The following FTCDNL1 variants were observed in gnomAD, a reference collection of about 807,000 sequenced individuals.
The protein encoded by FTCDNL1 is formiminotransferase cyclodeaminase N-terminal like, also known as formiminotransferase N-terminal subdomain-containing protein.
FTCDNL1 carries 11 observed loss-of-function variants against 5.9 expected under a neutral mutation model. The observed-to-expected ratio is 1.87, with a 90% CI of 1.18 to 3.10. FTCDNL1 has a LOEUF of 3.10. FTCDNL1 is among the 30% of genes most tolerant of loss of function. The probability of loss-of-function intolerance (pLI) is 0.00; values close to 1 mark genes in which losing one functional copy is unlikely to be tolerated. For synonymous variants in FTCDNL1, 58 were observed against 24.8 expected (o/e 2.34, Z -3.99); for missense variants, 115 against 65.5 (o/e 1.76, Z -2.61).
chr2:199,684,229 C>G, the FTCDNL1 span, among the ~76,000 whole-genome samples: 134 of 152,198 alleles, frequency 8.8e-4, no homozygotes, highest in East Asian at 0.019. Flanking sequence ...TGAGAAGCAC[C>G]CAGTTTTCAA....
At chr2:199,694,254 C>G in the FTCDNL1 span, among the ~76,000 whole-genome samples, 3 of 152,272 alleles carry the variant, frequency 2.0e-5, no homozygotes, top group Admixed American at 2.0e-4. Flanking sequence ...TCAGACCTAC[C>G]AGGTGTTTTG....
the FTCDNL1 span, among the ~76,000 whole-genome samples, chr2:199,686,170 T>A: frequency 6.6e-6 from 1 of 151,982 alleles, no homozygotes; most frequent in African/African-American, 2.4e-5. Context: ...ATCATAGTGG[T>A]AAAAACCAAT....
At chr2:199,793,170 C>T (rs1410476896) in intron 3 of FTCDNL1, among the ~76,000 whole-genome samples, 1 of 152,078 alleles carries the variant, frequency 6.6e-6, no homozygotes, top group Non-Finnish European at 1.5e-5. Context: ...TAACTGCCTG[C>T]AAGTATCTTT....
chr2:199,690,554 G>A, the FTCDNL1 span, among the ~76,000 whole-genome samples: 1 of 152,284 alleles, frequency 6.6e-6, no homozygotes, highest in South Asian at 2.1e-4. Flanking sequence ...GACCACCTCA[G>A]AGAGGCTACC....
intron 3 of FTCDNL1, among the ~76,000 whole-genome samples, chr2:199,783,765 T>C (rs780714724): frequency 1.3e-5 from 2 of 152,006 alleles, no homozygotes; most frequent in African/African-American, 2.4e-5. Context: ...TCTAGACACA[T>C]TACATTGTTC....
At chr2:199,783,941 T>A (rs1455701151) in intron 3 of FTCDNL1, among the ~76,000 whole-genome samples, 1 of 152,126 alleles carries the variant, frequency 6.6e-6, no homozygotes, top group Admixed American at 6.5e-5. Context: ...TCAGAGGAAT[T>A]TGGGGATTCA....
chr2:199,814,945 G>GCC (rs796152742), intron 4 of FTCDNL1, among the ~76,000 whole-genome samples: 2 of 152,178 alleles, frequency 1.3e-5, no homozygotes, highest in South Asian at 4.2e-4. Flanking sequence ...CTAAACAGAA[G>GCC]CCCCTGATTC....
chr2:199,784,599 C>T (rs559251762), intron 3 of FTCDNL1, among the ~76,000 whole-genome samples: 46 of 152,272 alleles, frequency 3.0e-4, no homozygotes, highest in Middle Eastern at 3.4e-3. Flanking sequence ...ACTTTCAGTG[C>T]CATGTATTTG....
intron 3 of FTCDNL1, among the ~76,000 whole-genome samples, chr2:199,780,812 G>C (rs1357860836): frequency 6.6e-6 from 1 of 152,196 alleles, no homozygotes; most frequent in Non-Finnish European, 1.5e-5. Context: ...TCACCATTAA[G>C]TACCAGCTCC....
At chr2:199,818,377 C>T (rs1701479835) in intron 4 of FTCDNL1, 1 of 152,170 alleles carries the variant, frequency 6.6e-6, no homozygotes, top group South Asian at 2.1e-4. Context: ...TGTAATATCA[C>T]TTTTATTAAA....
chr2:199,794,104 G>A (rs781237934), intron 3 of FTCDNL1, among the ~76,000 whole-genome samples: 6 of 152,090 alleles, frequency 3.9e-5, no homozygotes, highest in South Asian at 2.1e-4. Flanking sequence ...ATACAGATAC[G>A]TTGAAATTTT....
chr2:199,674,174 G>A, the FTCDNL1 span, among the ~76,000 whole-genome samples: 1 of 152,166 alleles, frequency 6.6e-6, no homozygotes, highest in Non-Finnish European at 1.5e-5. Context: ...GCATTCTGAG[G>A]CTGGAAGAAG....
At chr2:199,799,447 T>C (rs1417632917) in intron 3 of FTCDNL1, among the ~76,000 whole-genome samples, 2 of 152,182 alleles carry the variant, frequency 1.3e-5, no homozygotes, top group African/African-American at 4.8e-5. Flanking sequence ...TAGATGTGGC[T>C]ACTTAGAGAA....
intron 3 of FTCDNL1, among the ~76,000 whole-genome samples, chr2:199,833,683 T>C (rs1298012283): frequency 6.6e-6 from 1 of 152,218 alleles, no homozygotes; most frequent in Non-Finnish European, 1.5e-5. Context: ...ATGCTTTGCA[T>C]GAGTTACTTT....
chr2:199,813,377 C>G (rs1490966583), intron 4 of FTCDNL1, among the ~76,000 whole-genome samples: 2 of 125,320 alleles, frequency 1.6e-5, no homozygotes, highest in African/African-American at 2.9e-5. Context: ...TATTTTAACT[C>G]TACAGAAAAG....
chr2:199,830,134 T>C (rs1486512447), intron 3 of FTCDNL1, among the ~76,000 whole-genome samples: 2 of 152,140 alleles, frequency 1.3e-5, no homozygotes, highest in African/African-American at 4.8e-5. Context: ...GCTGTTAATA[T>C]AGCCAAGTTT....
the FTCDNL1 span, among the ~76,000 whole-genome samples, chr2:199,689,333 A>C: frequency 5.7e-4 from 87 of 152,260 alleles, no homozygotes; most frequent in African/African-American, 2.0e-3. Flanking sequence ...AGGAAGAGGG[A>C]ATTAGCCAGA....
At chr2:199,696,838 A>C in the FTCDNL1 span, among the ~76,000 whole-genome samples, 1 of 152,222 alleles carries the variant, frequency 6.6e-6, no homozygotes, top group Non-Finnish European at 1.5e-5. Context: ...AGAATTCAGA[A>C]TCTGGATAGC....
intron 3 of FTCDNL1, among the ~76,000 whole-genome samples, chr2:199,761,860 C>T (rs991221190): frequency 2.0e-5 from 3 of 152,262 alleles, no homozygotes; most frequent in East Asian, 1.9e-4. Flanking sequence ...CCTCAGAAGC[C>T]GCCCTCAGAA....
Sources: allele counts gnomAD v4.1 joint callset (sites outside exome capture counted in the v4.1 genomes callset), GRCh38; gene constraint gnomAD v4.1.1; transcripts MANE v1.5; gene names NCBI Gene and HGNC (gene_info 2026-07-23, HGNC 2026-07-21).